CACNA1H: variants seen among roughly 807,000 people sequenced by gnomAD.
CACNA1H encodes the protein calcium voltage-gated channel subunit alpha1 H.
Under a neutral mutation model 192.5 loss-of-function variants are expected in CACNA1H, and 149 were observed. The ratio of observed to expected loss-of-function variants is 0.77; its 90% CI spans 0.68 to 0.89. The LOEUF (loss-of-function observed/expected upper bound fraction) is 0.89, where lower values mean the gene tolerates loss of function less well. Ranked by LOEUF, CACNA1H falls within the 40% of genes least tolerant of loss-of-function variation. The pLI, the probability that CACNA1H is intolerant of heterozygous loss-of-function variation, is 0.00. For missense variants in CACNA1H, 4,257 were observed against 3,423.5 expected (o/e 1.24, Z -6.08); for synonymous variants, 2,202 against 1,475.2 (o/e 1.49, Z -11.29).
chr16:1,170,811 C>A (rs1364249918), intron 2 of CACNA1H, among the ~76,000 whole-genome samples: 4 of 152,180 alleles, frequency 2.6e-5, no homozygotes, highest in Non-Finnish European at 2.9e-5. Context: ...CCCCTTCTTT[C>A]CTGTGGGCTG....
In CACNA1H at chr16:1,198,670, C is replaced by T. The variant is rs200398792; in HGVS notation, c.699C>T (p.Val233=). ...LLDTLPMLGN[V]LLLCFFVFFI... The stretch of plus-strand genomic sequence containing the variant: ...ATACGCTGCCCATGCTCGGGAACGT[C>T]CTTCTGCTGTGCTTCTTCGTCTTCT... Residue 233 remains valine (V), a synonymous_variant, in exon 6 of 35, where the codon GTC becomes GTT. Transcript: ENST00000348261. The T allele has an allele frequency of 4.2e-5, 67 of 1,613,412 alleles. No individual in the cohort carries two copies. Among genetic ancestry groups the T allele is most frequent in the Non-Finnish European group, 5.1e-5 (60 of 1,179,656 alleles).
intron 31 of CACNA1H, among the ~76,000 whole-genome samples, chr16:1,217,362 G>A (rs1970112761): frequency 6.6e-6 from 1 of 152,218 alleles, no homozygotes; most frequent in Admixed American, 6.5e-5. Context: ...ATGGTCCCAG[G>A]AGACAAATGT....
intron 2 of CACNA1H, among the ~76,000 whole-genome samples, chr16:1,181,723 C>T (rs547044941): frequency 4.6e-5 from 7 of 152,280 alleles, no homozygotes; most frequent in South Asian, 4.2e-4. Flanking sequence ...GGTGGTGCTG[C>T]GAGCCAACCT....
In CACNA1H at chr16:1,208,084, C is replaced by T. The variant is rs1238151382; in HGVS notation, c.3226C>T (p.Leu1076Phe). 3.1e-6 allele frequency: 5 copies of T among 1,601,062 alleles called. No homozygotes were observed. The highest frequency in any genetic ancestry group is 3.4e-4 in the Middle Eastern group (2 of 5,820). Residue 1076 changes from leucine (L) to phenylalanine (F), a missense_variant, in exon 16 of 35, where the codon CTC becomes TTC. Transcript: ENST00000348261. ...GGGACGAGGCAGCCTGTCCCCTCCC[C>T]TCATCATGTGCACAGCTGCCACGCC... ...LEGRGSLSPP[L>F]IMCTAATPMP...
In CACNA1H at chr16:1,202,032, CACT is replaced by C. The variant is rs1967994217; in HGVS notation, c.1585_1587del (p.Tyr529del). On this transcript the variant is annotated inframe_deletion, in exon 9 of 35. Coordinates refer to ENST00000348261, the MANE Select transcript of CACNA1H (RefSeq NM_021098.3). ...CCACCACCATCACCACCACCACCAC[CACT>C]ACCATTTCAGCCATGGCAGCCCCCG... The C allele has an allele frequency of 3.3e-6, 5 of 1,537,626 alleles. No homozygotes were observed. Among genetic ancestry groups the C allele is most frequent in the Non-Finnish European group, 4.4e-6 (5 of 1,144,006 alleles).
At chr16:1,201,076 C>T (rs979222418) in intron 8 of CACNA1H, among the ~76,000 whole-genome samples, 1 of 152,126 alleles carries the variant, frequency 6.6e-6, no homozygotes, top group Non-Finnish European at 1.5e-5. Flanking sequence ...AGCCTCCCAG[C>T]ACCGCTTTCC....
rs58080058 is a variant in CACNA1H at position 1,210,146 on chromosome 16, C to A, written c.3845+11C>A. 1.3e-6 allele frequency: 2 copies of A among 1,548,500 alleles called. No individual in the cohort carries two copies. The highest frequency in any genetic ancestry group is 1.7e-6 in the Non-Finnish European group (2 of 1,145,062). On this transcript the variant is annotated intron_variant, in intron 18 of 34. Coordinates refer to ENST00000348261, the MANE Select transcript of CACNA1H (RefSeq NM_021098.3). ...CTCCCCACAGAACCGGTGAGGCGGC[C>A]GGGTCAGGAGGCTGCATGGCTAGTT...
intron 2 of CACNA1H, among the ~76,000 whole-genome samples, chr16:1,163,429 C>G (rs1963430444): frequency 6.6e-6 from 1 of 152,236 alleles, no homozygotes; most frequent in Non-Finnish European, 1.5e-5. Context: ...AGCTGCCGGC[C>G]TGTGCCCAGC....
chr16:1,221,641 C>T lies in CACNA1H; in HGVS notation c.*647C>T. 2.2e-6 allele frequency: 2 copies of T among 903,604 alleles called. No homozygotes were observed. Among genetic ancestry groups the T allele is most frequent in the Non-Finnish European group, 3.3e-6 (2 of 613,164 alleles). The allele number at this position is 903,604 out of a possible 1,614,324, so 56.0% of individuals were successfully genotyped here. ...CTGGGGGCGTTGGCCGCGAGATTCC[C>T]ATTGACACCTTTGTTTCGTGTGCTT... On this transcript the variant is annotated 3_prime_UTR_variant, in exon 35 of 35. Transcript: ENST00000348261.
intron 2 of CACNA1H, among the ~76,000 whole-genome samples, chr16:1,175,322 C>CG (rs1964772588): frequency 6.6e-6 from 1 of 152,158 alleles, no homozygotes; most frequent in Non-Finnish European, 1.5e-5. Flanking sequence ...TGGGGAGCCC[C>CG]GGGAGGGCCA....
At chr16:1,198,419 G>A (rs1465719230) in intron 5 of CACNA1H, among the ~76,000 whole-genome samples, 196 bp from the exon 6 acceptor site, 3 of 152,148 alleles carry the variant, frequency 2.0e-5, no homozygotes, top group South Asian at 2.1e-4. Context: ...CCTGGAGGCC[G>A]GTGGTGGTAG....
chr16:1,185,386 C>G (rs561413579), intron 2 of CACNA1H, among the ~76,000 whole-genome samples: 60 of 152,080 alleles, frequency 3.9e-4, no homozygotes, highest in Admixed American at 2.8e-3. Flanking sequence ...CATAGCCTCA[C>G]CCACCGGTTA....
Position 1,198,633 on chromosome 16 carries a change from C to G in CACNA1H, c.662C>G (p.Thr221Ser), listed in dbSNP as rs1368252007. 1.2e-6 allele frequency: 2 copies of G among 1,613,272 alleles called. No homozygotes were observed. Among genetic ancestry groups the G allele is most frequent in the South Asian group, 2.2e-5 (2 of 91,092 alleles). The change falls in exon 6 of 35, where the codon ACT (threonine) becomes AGT (serine). Residue 221 changes from threonine to serine, a missense_variant. Coordinates refer to ENST00000348261, the MANE Select transcript of CACNA1H (RefSeq NM_021098.3). Reference sequence around the variant, plus strand: ...CCCACAGGCATGCGGATCCTGGTCACTCTGCTGCTGGATACGCTGCCCATG... The same window carrying G: ...CCCACAGGCATGCGGATCCTGGTCAGTCTGCTGCTGGATACGCTGCCCATG... ...NRVPSMRILV[T>S]LLLDTLPMLG...
rs111909079 is a variant in CACNA1H at position 1,212,222 on chromosome 16, G to A, written c.4759+84G>A. On this transcript the variant is annotated intron_variant, in intron 25 of 34. Transcript: ENST00000348261. ...CCTCCAGCCCCTCCACTCCCGCCCC[G>A]GCCTCCCCGAATGGCTCTGCACGCC... 212 of 1,486,862 alleles carry A rather than the reference G, an allele frequency of 1.4e-4. 1 individual carries two copies. The African/African-American group carries it at 2.4e-3, about 17-fold the overall frequency. 92.1% of individuals were successfully genotyped at this position (1,486,862 alleles called of 1,614,324 possible). A position where few individuals can be genotyped will look rare whatever the true frequency, so the allele number is the denominator to read the frequency against.
intron 2 of CACNA1H, among the ~76,000 whole-genome samples, chr16:1,186,477 C>T (rs958654708): frequency 6.6e-6 from 1 of 152,086 alleles, no homozygotes; most frequent in African/African-American, 2.4e-5. Context: ...TCACTGTGGA[C>T]TCTGCCCACG....
rs1364904195 is a variant in CACNA1H, at chr16:1,171,287, G to A, written c.299+17251G>A. Among the ~76,000 whole-genome samples the A allele has an allele frequency of 5.3e-5, 8 of 152,296 alleles. No individual in the cohort carries two copies. The East Asian group carries it at 7.7e-4, about 15-fold the overall frequency. On this transcript the variant is annotated intron_variant, in intron 2 of 34. Coordinates refer to ENST00000348261, the MANE Select transcript of CACNA1H (RefSeq NM_021098.3). ...TGGGGCCCTCCTGGGCGGGCTGGGC[G>A]TCTGGGGGGATCGTGGGGCTTTGGG...
chr16:1,184,819 C>T (rs1454332645), intron 2 of CACNA1H, among the ~76,000 whole-genome samples: 3 of 152,266 alleles, frequency 2.0e-5, no homozygotes, highest in Non-Finnish European at 4.4e-5. Flanking sequence ...CGAAGGGAAG[C>T]TGCCATTTAA....
intron 2 of CACNA1H, among the ~76,000 whole-genome samples, chr16:1,182,446 C>T (rs574954122): frequency 5.9e-5 from 9 of 152,250 alleles, no homozygotes; most frequent in African/African-American, 1.4e-4. Context: ...GCGCTGGGGG[C>T]GGTGCTCTCC....
chr16:1,202,544 G>A lies in CACNA1H; in HGVS notation c.2002+92G>A. The stretch of plus-strand genomic sequence containing the variant: ...TGTGTCATTCCCACACCCATTGTGG[G>A]CACTCTGATGAGCCCAGCTTTGACT... On this transcript the variant is annotated intron_variant, in intron 9 of 34. Coordinates refer to ENST00000348261, the MANE Select transcript of CACNA1H (RefSeq NM_021098.3). 5 of 1,130,378 alleles carry A rather than the reference G, an allele frequency of 4.4e-6. No homozygotes were observed. In the East Asian group the frequency reaches 7.9e-5, roughly 18 times the overall value. The allele number at this position is 1,130,378 out of a possible 1,614,324, so 70.0% of individuals were successfully genotyped here.
Sources: allele counts gnomAD v4.1 joint callset (sites outside exome capture counted in the v4.1 genomes callset), GRCh38; gene constraint gnomAD v4.1.1; transcripts MANE v1.5; gene names NCBI Gene and HGNC (gene_info 2026-07-23, HGNC 2026-07-21).